The following NFIA variants were observed in gnomAD, a reference collection of about 807,000 sequenced individuals.
NFIA encodes nuclear factor 1 A-type.
NFIA carries 8 observed loss-of-function variants against 62.8 expected under a neutral mutation model. The ratio of observed to expected loss-of-function variants is 0.13; its 90% confidence interval spans 0.07 to 0.23. NFIA has a LOEUF of 0.23. NFIA is among the 10% of genes least tolerant of loss of function. The pLI is 1.00. For missense variants in NFIA, 410 were observed against 642.1 expected (o/e 0.64, Z 3.91); for synonymous variants, 235 against 238.1 (o/e 0.99, Z 0.12).
At chr1:61,268,952 A>C (rs1012689887) in intron 2 of NFIA, among the ~76,000 whole-genome samples, 3 of 152,024 alleles carry the variant, frequency 2.0e-5, no homozygotes, top group Non-Finnish European at 4.4e-5. Flanking sequence ...CGTCCCCTGA[A>C]CCCGTGCTCC....
At chr1:61,152,551 A>G (rs1648499543) in intron 2 of NFIA, among the ~76,000 whole-genome samples, 1 of 152,184 alleles carries the variant, frequency 6.6e-6, no homozygotes, top group Non-Finnish European at 1.5e-5. Flanking sequence ...GTCTGTCAGT[A>G]TTTCTATTAT....
chr1:61,324,079 A>G (rs772425793), intron 3 of NFIA, among the ~76,000 whole-genome samples: 12 of 152,358 alleles, frequency 7.9e-5, no homozygotes, highest in Non-Finnish European at 1.6e-4. Context: ...AACGAGCCAC[A>G]TTCCCACAGG....
chr1:61,091,973 T>C (rs1646328752), intron 2 of NFIA, among the ~76,000 whole-genome samples: 1 of 152,164 alleles, frequency 6.6e-6, no homozygotes, highest in Non-Finnish European at 1.5e-5. Flanking sequence ...ATTTCTTGGA[T>C]AGAGGCAGGT....
intron 2 of NFIA, among the ~76,000 whole-genome samples, chr1:61,114,561 T>C (rs891080197): frequency 2.0e-5 from 3 of 152,190 alleles, no homozygotes; most frequent in Non-Finnish European, 4.4e-5. Context: ...TTTTTTCTTA[T>C]ATTTTTTTAA....
chr1:61,261,590 A>G (rs1656778512), intron 2 of NFIA, among the ~76,000 whole-genome samples: 3 of 152,190 alleles, frequency 2.0e-5, no homozygotes, highest in Admixed American at 6.5e-5. Flanking sequence ...TGCAACCCCC[A>G]TCATAAGTCG....
chr1:61,321,328 G>A (rs919779939), intron 3 of NFIA, among the ~76,000 whole-genome samples: 2 of 151,972 alleles, frequency 1.3e-5, no homozygotes, highest in Admixed American at 1.3e-4. Context: ...CAAAACAACT[G>A]TTTCAGCTTT....
chr1:61,441,018 C>G (rs1033149210), intron 10 of NFIA, among the ~76,000 whole-genome samples: 3 of 152,078 alleles, frequency 2.0e-5, no homozygotes, highest in South Asian at 4.1e-4. Flanking sequence ...ATAAGAGGGG[C>G]CAAAGCCTGG....
intron 2 of NFIA, among the ~76,000 whole-genome samples, chr1:61,183,571 C>T (rs565426693): frequency 6.6e-6 from 1 of 152,348 alleles, no homozygotes; most frequent in South Asian, 2.1e-4. Flanking sequence ...CACAGACATG[C>T]CTGGCCAATC....
chr1:61,230,894 C>T (rs333161), intron 2 of NFIA, among the ~76,000 whole-genome samples: 10,973 of 152,300 alleles, frequency 0.072, 494 homozygotes, highest in East Asian at 0.16. Context: ...AATGGCTTCA[C>T]AGTGTGGAAA....
chr1:61,242,305 G>A (rs891519535), intron 2 of NFIA, among the ~76,000 whole-genome samples: 2 of 152,084 alleles, frequency 1.3e-5, no homozygotes, highest in African/African-American at 4.8e-5. Flanking sequence ...TGGATAGGTG[G>A]AGCATACTAC....
At chr1:61,242,892 G>C (rs2100647244) in intron 2 of NFIA, among the ~76,000 whole-genome samples, 1 of 152,018 alleles carries the variant, frequency 6.6e-6, no homozygotes, top group South Asian at 2.1e-4. Context: ...TATATAGCTT[G>C]AGTTTTGAAA....
chr1:61,202,603 T>G (rs551646186), intron 2 of NFIA, among the ~76,000 whole-genome samples: 6 of 152,356 alleles, frequency 3.9e-5, no homozygotes, highest in Non-Finnish European at 8.8e-5. Flanking sequence ...CATGACTAAC[T>G]TTTAAAATGG....
At chr1:61,380,055 G>A (rs1664342486) in intron 6 of NFIA, among the ~76,000 whole-genome samples, 1 of 152,116 alleles carries the variant, frequency 6.6e-6, no homozygotes, top group Non-Finnish European at 1.5e-5. Context: ...AGAAAAAAAT[G>A]GCAGACTAGA....
At position 61,252,898 on chromosome 1, in the gene NFIA, A is replaced by C. The variant is rs74086704; in HGVS notation, c.560-24622A>C. Among the ~76,000 whole-genome samples the C allele has an allele frequency of 4.6e-5, 7 of 152,000 alleles. No individual in the cohort carries two copies. In the East Asian group the frequency reaches 1.3e-3, roughly 29 times the overall value. ...AACTTCTATTCTATTTTGTATTCCT[A>C]CTCTTTACAGAGTTTTAGAGATGTT... On this transcript the variant is annotated intron_variant, in intron 2 of 10. Transcript: ENST00000403491.
chr1:61,362,405 C>T (rs1366296886), intron 6 of NFIA, among the ~76,000 whole-genome samples: 2 of 152,158 alleles, frequency 1.3e-5, no homozygotes, highest in Non-Finnish European at 2.9e-5. Flanking sequence ...AGATGTGACA[C>T]AGGAAGCAAG....
In NFIA at chr1:61,256,859, A is replaced by G. The variant is rs1656429656; in HGVS notation, c.560-20661A>G. Among the ~76,000 whole-genome samples the G allele has an allele frequency of 5.3e-5, 8 of 152,274 alleles. 1 individual carries two copies. The highest frequency in any genetic ancestry group is 1.3e-4 in the Admixed American group (2 of 15,306). ...AAGACTCACTCACAGTGCCATACAC[A>G]TGGCACTGCATGTGTGTGTGCTTGT... On this transcript the variant is annotated intron_variant, in intron 2 of 10. Coordinates refer to ENST00000403491, the MANE Select transcript of NFIA (RefSeq NM_001134673.4).
intron 2 of NFIA, among the ~76,000 whole-genome samples, chr1:61,103,711 A>G (rs983790623): frequency 1.3e-5 from 2 of 152,170 alleles, no homozygotes; most frequent in African/African-American, 2.4e-5. Flanking sequence ...TAGGTAACAT[A>G]TAAAATAGTT....
chr1:61,446,794 A>C (rs937159235), intron 10 of NFIA, among the ~76,000 whole-genome samples: 1 of 152,204 alleles, frequency 6.6e-6, no homozygotes, highest in Non-Finnish European at 1.5e-5. Flanking sequence ...TGCACAATCC[A>C]CACTAAGGTC....
rs1666332416 is a variant in NFIA at position 61,416,006 on chromosome 1, A to G, written c.1420+9279A>G. The stretch of plus-strand genomic sequence containing the variant: ...TAGGTCTGTCTCCATGAATTCATGG[A>G]CTAATCCTTGAGTTATATTGTTACA... On this transcript the variant is annotated intron_variant, in intron 9 of 10. Transcript: ENST00000403491. Among the ~76,000 whole-genome samples the G allele has an allele frequency of 2.6e-5, 4 of 152,288 alleles. No individual in the cohort carries two copies. The South Asian group carries it at 8.3e-4, about 32-fold the overall frequency.
Sources: allele counts gnomAD v4.1 joint callset (sites outside exome capture counted in the v4.1 genomes callset), GRCh38; gene constraint gnomAD v4.1.1; transcripts MANE v1.5; gene names NCBI Gene and HGNC (gene_info 2026-07-23, HGNC 2026-07-21).